Variants in LSS observed in about 807,000 individuals in gnomAD.
The protein encoded by LSS is lanosterol synthase.
A neutral mutation model predicts 110.3 loss-of-function variants in LSS; 90 were observed. That is an observed-to-expected ratio of 0.82 (90% CI 0.69 to 0.97). The LOEUF is 0.97. LSS is among the 50% of genes least tolerant of loss of function. The pLI, the probability that LSS is intolerant of heterozygous loss-of-function variation, is 0.00. For synonymous variants in LSS, 433 were observed against 400.0 expected (o/e 1.08, Z -0.98); for missense variants, 927 against 990.0 (o/e 0.94, Z 0.85).
At chr21:46,214,789 C>G (rs1237152260) in intron 9 of LSS, among the ~76,000 whole-genome samples, 1 of 152,146 alleles carries the variant, frequency 6.6e-6, no homozygotes. Context: ...CCACCCTGGG[C>G]ATGTCTAAAC....
intron 17 of LSS, among the ~76,000 whole-genome samples, chr21:46,200,634 AAC>A (rs1287811218): frequency 6.6e-6 from 1 of 152,224 alleles, no homozygotes; most frequent in Non-Finnish European, 1.5e-5. Context: ...AAAGTCATCA[AAC>A]ACAAGGAAAG....
intron 14 of LSS, 95 bp downstream of exon 14, chr21:46,208,156 C>G (rs912433040): frequency 8.3e-7 from 1 of 1,209,562 alleles, no homozygotes; most frequent in Non-Finnish European, 1.2e-6. Flanking sequence ...AGGAGTCCCC[C>G]AGGGAGGAGC....
intron 15 of LSS, among the ~76,000 whole-genome samples, chr21:46,207,078 G>T (rs1176939440): frequency 6.6e-6 from 1 of 152,226 alleles, no homozygotes; most frequent in Non-Finnish European, 1.5e-5. Context: ...ACAAAAGCCA[G>T]ATGTGCTGAA....
In LSS at chr21:46,208,296, T is replaced by G; in HGVS notation, c.1272A>C (p.Pro424=). ...AHEFLRLSQV[P]DNPPDYQKYY... is the part of the protein sequence containing the mutation. ...ACTTCTGGTAGTCGGGAGGGTTATC[T>G]GGGACCTGGGCAGCATCGAGGGCAA... The change falls in exon 14 of 22, where the codon CCA becomes CCC. Residue 424 remains proline (P), a synonymous_variant. Transcript: ENST00000397728. The G allele has an allele frequency of 6.4e-7, 1 of 1,552,710 alleles. No homozygotes were observed. The highest frequency in any genetic ancestry group is 8.7e-7 in the Non-Finnish European group (1 of 1,147,572).
Position 46,189,401 on chromosome 21 carries a change from A to C in LSS, c.*1703T>G, listed in dbSNP as rs2079772797. The C allele has an allele frequency of 1.2e-5, 4 of 325,940 alleles. No homozygotes were observed. Among genetic ancestry groups the C allele is most frequent in the Non-Finnish European group, 2.4e-5 (4 of 166,068 alleles). 20.2% of individuals were successfully genotyped at this position (325,940 alleles called of 1,614,324 possible). On this transcript the variant is annotated 3_prime_UTR_variant, in exon 22 of 22. Transcript: ENST00000397728. ...CCTGACAGATGTCAAGGGTCCCAAC[A>C]CAGTTCCTTCAGCGAAAATAAAGCC...
rs2123752224 is a variant in LSS at position 46,219,397 on chromosome 21, C to A, written c.647+79G>T. 4 of 1,025,344 alleles carry A rather than the reference C, an allele frequency of 3.9e-6. No homozygotes were observed. In the East Asian group the frequency reaches 8.7e-5, roughly 22 times the overall value. 63.5% of individuals were successfully genotyped at this position (1,025,344 alleles called of 1,614,324 possible). A position where few individuals can be genotyped will look rare whatever the true frequency, so the allele number is the denominator to read the frequency against. On this transcript the variant is annotated intron_variant, in intron 6 of 21. Transcript: ENST00000397728. Reference sequence around the variant, plus strand: ...CACCCCTCTCTGCTGTCACAGCCTGCACCTGACCCACGGTCCCTGTCACTC... The same window carrying A: ...CACCCCTCTCTGCTGTCACAGCCTGAACCTGACCCACGGTCCCTGTCACTC...
rs865841070 is a variant in LSS at position 46,190,859 on chromosome 21, T to C, written c.*245A>G. The C allele has an allele frequency of 3.7e-6, 2 of 535,336 alleles. No individual in the cohort carries two copies. The highest frequency in any genetic ancestry group is 5.0e-5 in the South Asian group (2 of 39,768). The allele number at this position is 535,336 out of a possible 1,614,324, so 33.2% of individuals were successfully genotyped here. On this transcript the variant is annotated 3_prime_UTR_variant, in exon 22 of 22. Transcript: ENST00000397728. The surrounding 1 kb of genome is among the most constrained non-coding windows in gnomAD (Gnocchi z 4.6). ...GCCTCCTCAGGGGTCACGGCTCCTGTGCCCCCTTCCTCACCCAAGCCCGAC... is the reference window on the plus strand; with the variant it reads ...GCCTCCTCAGGGGTCACGGCTCCTGCGCCCCCTTCCTCACCCAAGCCCGAC...
intron 15 of LSS, 60 bp downstream of exon 15, chr21:46,207,368 G>A (rs1601427721): frequency 1.3e-6 from 2 of 1,584,278 alleles, no homozygotes; most frequent in East Asian, 2.3e-5. Flanking sequence ...GTGGAAGTGA[G>A]CACGCAGCTC....
At position 46,221,765 on chromosome 21, in the gene LSS, G is replaced by A. The variant is rs181947976; in HGVS notation, c.550+89C>T. ...TGTGCTTTTGCCCACTGTTTCAGCTGCAAGTGCATCTTTCTGTATCGCGTT... is the reference window on the plus strand; with the variant it reads ...TGTGCTTTTGCCCACTGTTTCAGCTACAAGTGCATCTTTCTGTATCGCGTT... On this transcript the variant is annotated intron_variant, in intron 5 of 21. Coordinates refer to ENST00000397728, the MANE Select transcript of LSS (RefSeq NM_002340.6). 2.5e-6 allele frequency: 4 copies of A among 1,574,070 alleles called. No homozygotes were observed. In the East Asian group the frequency reaches 9.0e-5, roughly 35 times the overall value.
chr21:46,192,546 G>A (rs1232202402), intron 20 of LSS: 8 of 411,658 alleles, frequency 1.9e-5, no homozygotes, highest in Non-Finnish European at 3.4e-5. Flanking sequence ...GCCTGTGCAT[G>A]TGTACATGTG....
intron 2 of LSS, among the ~76,000 whole-genome samples, chr21:46,227,998 G>A (rs1231284116): frequency 6.6e-6 from 1 of 152,168 alleles, no homozygotes; most frequent in Non-Finnish European, 1.5e-5. Context: ...CTGGGCCTGG[G>A]ACTCGGGCCT....
Position 46,189,848 on chromosome 21 carries a change from G to C in LSS, c.*1256C>G, listed in dbSNP as rs2079782039. ...CTCCCAGTAGCCAGGGGAGAGCAGTGACAGTCTCAGGTGGCCCTGAGCATG... is the reference window on the plus strand; with the variant it reads ...CTCCCAGTAGCCAGGGGAGAGCAGTCACAGTCTCAGGTGGCCCTGAGCATG... On this transcript the variant is annotated 3_prime_UTR_variant, in exon 22 of 22. Transcript: ENST00000397728. 5.1e-6 allele frequency: 2 copies of C among 393,068 alleles called. No homozygotes were observed. The highest frequency in any genetic ancestry group is 2.6e-5 in the African/African-American group (1 of 37,844). 24.3% of individuals were successfully genotyped at this position (393,068 alleles called of 1,614,324 possible).
At chr21:46,210,794 C>T in intron 11 of LSS, 50 bp from the exon 12 acceptor site, 1 of 1,567,810 alleles carries the variant, frequency 6.4e-7, no homozygotes, top group Non-Finnish European at 8.8e-7. Flanking sequence ...CCTCCCACTC[C>T]CAGCCACTGC....
At position 46,215,963 on chromosome 21, in the gene LSS, G is replaced by A. The variant is rs570095840; in HGVS notation, c.784-170C>T. ...GAGGCCACATGAAGGCCCCCTATGGGAGGACCGCTCTGAGGAGCTCCCCAG... is the reference window on the plus strand; with the variant it reads ...GAGGCCACATGAAGGCCCCCTATGGAAGGACCGCTCTGAGGAGCTCCCCAG... On this transcript the variant is annotated intron_variant, in intron 7 of 21. Transcript: ENST00000397728. Among the ~76,000 whole-genome samples the A allele has an allele frequency of 7.2e-5, 11 of 152,224 alleles. No individual in the cohort carries two copies. The East Asian group carries it at 1.7e-3, about 24-fold the overall frequency.
In LSS at chr21:46,198,075, G is replaced by A. The variant is rs114715526; in HGVS notation, c.1671-1808C>T. Among the ~76,000 whole-genome samples, 1,358 of 152,148 alleles carry A rather than the reference G, an allele frequency of 8.9e-3. 29 individuals carry two copies. Among genetic ancestry groups the A allele is most frequent in the African/African-American group, 0.032 (1,310 of 41,498 alleles). ...GCAGACGGGAGTTTGAGACCAGCCT[G>A]GGCAACAGAGCAAGATCCCATCTCT... On this transcript the variant is annotated intron_variant, in intron 17 of 21. Transcript: ENST00000397728.
intron 9 of LSS, among the ~76,000 whole-genome samples, chr21:46,214,158 G>C (rs1431031005): frequency 6.6e-6 from 1 of 152,226 alleles, no homozygotes; most frequent in African/African-American, 2.4e-5. Flanking sequence ...AGGTGCCTTA[G>C]AGACAACACA....
Position 46,219,556 on chromosome 21 carries a change from G to C in LSS, c.567C>G (p.Ile189Met). Residue 189 changes from isoleucine to methionine, a missense_variant, in exon 6 of 22, where the codon ATC (isoleucine) becomes ATG (methionine). By Grantham distance (10) the Ile-to-Met change is conservative (BLOSUM62 1). Transcript: ENST00000397728. ...ILHKKGGAVA[I>M]PSWGKFWLAV... ...CCAGCCAGAACTTCCCCCAGGAGGG[G>C]ATGGCCACAGCACCACCTGAGCGGG... The C allele has an allele frequency of 6.2e-7, 1 of 1,600,002 alleles. No individual in the cohort carries two copies. Among genetic ancestry groups the C allele is most frequent in the Non-Finnish European group, 8.5e-7 (1 of 1,173,140 alleles).
chr21:46,227,798 C>T lies in LSS; in HGVS notation c.181-108G>A, dbSNP rs576944657. On this transcript the variant is annotated intron_variant, in intron 2 of 21. Transcript: ENST00000397728. ...AAGTCAAAACAGTGAATGTAAATTACTTTAAAAGTTTCAGCTGTTTCCATC... is the reference window on the plus strand; with the variant it reads ...AAGTCAAAACAGTGAATGTAAATTATTTTAAAAGTTTCAGCTGTTTCCATC... The T allele has an allele frequency of 1.5e-4, 199 of 1,303,654 alleles. 3 individuals carry two copies. The South Asian group carries it at 2.3e-3, about 15-fold the overall frequency. The allele number at this position is 1,303,654 out of a possible 1,614,324, so 80.8% of individuals were successfully genotyped here.
At chr21:46,223,352 C>G (rs543149163) in intron 3 of LSS, among the ~76,000 whole-genome samples, 1 of 152,308 alleles carries the variant, frequency 6.6e-6, no homozygotes, top group African/African-American at 2.4e-5. Context: ...CACCTTCACT[C>G]CCCATGCTTG....
Sources: allele counts gnomAD v4.1 joint callset (sites outside exome capture counted in the v4.1 genomes callset), GRCh38; gene constraint gnomAD v4.1.1; non-coding constraint Gnocchi (gnomAD v3.1); transcripts MANE v1.5; gene names NCBI Gene and HGNC (gene_info 2026-07-23, HGNC 2026-07-21).